Variants in PGCKA1 observed in about 807,000 individuals in gnomAD.
The protein encoded by PGCKA1 is PDCD10 and GCKIII kinases-associated protein 1.
the PGCKA1 span, among the ~76,000 whole-genome samples, chr4:37,579,594 G>A: frequency 6.6e-6 from 1 of 152,190 alleles, no homozygotes; most frequent in East Asian, 1.9e-4. Context: ...CCACTGACAT[G>A]TCATATCTCT....
At chr4:37,460,770 C>A in the PGCKA1 span, 2 of 321,916 alleles carry the variant, frequency 6.2e-6, no homozygotes, top group Admixed American at 4.7e-5. Context: ...AAAAATTTTC[C>A]TCCATTCTAT....
the PGCKA1 span, among the ~76,000 whole-genome samples, chr4:37,474,234 CCCT>C: frequency 1.3e-5 from 2 of 152,150 alleles, no homozygotes; most frequent in African/African-American, 4.8e-5. Flanking sequence ...TGGCCCTCTT[CCCT>C]TCTTTCTTTC....
At chr4:37,486,650 G>A in the PGCKA1 span, among the ~76,000 whole-genome samples, 1 of 152,224 alleles carries the variant, frequency 6.6e-6, no homozygotes, top group South Asian at 2.1e-4. Context: ...AGAGAAAAAA[G>A]GAGGAAGGAA....
the PGCKA1 span, among the ~76,000 whole-genome samples, chr4:37,467,022 C>G: frequency 3.9e-5 from 6 of 152,094 alleles, no homozygotes; most frequent in Non-Finnish European, 8.8e-5. Context: ...CGCTTCAACC[C>G]GGGAGGCAGA....
the PGCKA1 span, among the ~76,000 whole-genome samples, chr4:37,469,786 G>T: frequency 6.6e-6 from 1 of 152,184 alleles, no homozygotes; most frequent in Non-Finnish European, 1.5e-5. Flanking sequence ...TGCAAAATAT[G>T]TTGGATGGAC....
chr4:37,455,463 G>A, the PGCKA1 span, among the ~76,000 whole-genome samples: 1 of 152,208 alleles, frequency 6.6e-6, no homozygotes, highest in Non-Finnish European at 1.5e-5. Flanking sequence ...GAGACAGGAA[G>A]GGAAGGTGTG....
the PGCKA1 span, among the ~76,000 whole-genome samples, chr4:37,507,701 A>G: frequency 2.6e-5 from 4 of 152,250 alleles, no homozygotes; most frequent in Middle Eastern, 3.4e-3. Context: ...CTAAAAAAAC[A>G]TAGTTTGTAC....
the PGCKA1 span, among the ~76,000 whole-genome samples, chr4:37,559,603 GATAAA>G: frequency 0.037 from 5,625 of 151,842 alleles, 263 homozygotes; most frequent in East Asian, 0.14. Flanking sequence ...ATAATAATAA[GATAAA>G]ATAAAATAAA....
chr4:37,583,638 C>T, the PGCKA1 span, among the ~76,000 whole-genome samples: 3 of 152,080 alleles, frequency 2.0e-5, no homozygotes, highest in East Asian at 1.9e-4. Flanking sequence ...GGGGTTTCAC[C>T]GTATTAGCCA....
the PGCKA1 span, among the ~76,000 whole-genome samples, chr4:37,481,297 TA>T: frequency 2.1e-4 from 31 of 148,074 alleles, no homozygotes; most frequent in South Asian, 4.2e-4. Context: ...CTGTCTCTAC[TA>T]AAAAAAAAAT....
chr4:37,507,470 C>G, the PGCKA1 span, among the ~76,000 whole-genome samples: 2 of 152,010 alleles, frequency 1.3e-5, no homozygotes, highest in Non-Finnish European at 2.9e-5. Context: ...AGGTTACCAT[C>G]TGGTTTGCAA....
chr4:37,492,254 C>T, the PGCKA1 span, among the ~76,000 whole-genome samples: 2 of 151,968 alleles, frequency 1.3e-5, no homozygotes, highest in Admixed American at 1.3e-4. This position sits in a 1 kb window ranked among gnomAD's most constrained non-coding sequence, Gnocchi z 4.7. Flanking sequence ...GTTTCTGGTC[C>T]CTCCAGATTG....
At chr4:37,538,978 G>T in the PGCKA1 span, among the ~76,000 whole-genome samples, 1 of 152,048 alleles carries the variant, frequency 6.6e-6, no homozygotes, top group African/African-American at 2.4e-5. Context: ...GTCACTGTAG[G>T]GTAGATGCAT....
the PGCKA1 span, chr4:37,588,985 C>T: frequency 6.4e-5 from 63 of 981,628 alleles, no homozygotes; most frequent in Admixed American, 1.8e-4. Context: ...GTATTCAGTG[C>T]ATTTATCCAG....
At chr4:37,496,351 G>C in the PGCKA1 span, among the ~76,000 whole-genome samples, 1 of 152,108 alleles carries the variant, frequency 6.6e-6, no homozygotes, top group African/African-American at 2.4e-5. Context: ...ACCATTTATT[G>C]ACTAGGGAAT....
chr4:37,557,268 G>GT, the PGCKA1 span, among the ~76,000 whole-genome samples: 61 of 152,034 alleles, frequency 4.0e-4, no homozygotes, highest in South Asian at 8.3e-4. Context: ...TTGTTGTTTT[G>GT]TTTTTTTGTG....
the PGCKA1 span, among the ~76,000 whole-genome samples, chr4:37,514,870 G>A: frequency 6.6e-6 from 1 of 152,280 alleles, no homozygotes; most frequent in South Asian, 2.1e-4. Flanking sequence ...CTATCATTTG[G>A]TAGCTAAGCC....
chr4:37,540,014 A>T, the PGCKA1 span, among the ~76,000 whole-genome samples: 1 of 152,346 alleles, frequency 6.6e-6, no homozygotes, highest in Admixed American at 6.5e-5. Flanking sequence ...TGAAAAAAAT[A>T]AAAATTAAAA....
the PGCKA1 span, among the ~76,000 whole-genome samples, chr4:37,577,868 T>G: frequency 6.6e-6 from 1 of 152,190 alleles, no homozygotes; most frequent in Admixed American, 6.5e-5. Context: ...AAAATTCCTC[T>G]TGGTATTGAT....
Sources: gnomAD v4.1 joint callset for allele counts (sites outside exome capture counted in the v4.1 genomes callset) on GRCh38, gnomAD v4.1.1 for gene constraint, Gnocchi (gnomAD v3.1) non-coding constraint, MANE v1.5 for transcripts, NCBI Gene and HGNC (gene_info 2026-07-23, HGNC 2026-07-21) for gene names.